Variants in CHRM2 observed in about 807,000 individuals in gnomAD.
CHRM2 encodes the protein muscarinic acetylcholine receptor M2.
A neutral mutation model predicts 25.0 loss-of-function variants in CHRM2; 8 were observed. The observed-to-expected ratio is 0.32, with a 90% CI of 0.19 to 0.58. The LOEUF (loss-of-function observed/expected upper bound fraction) is 0.58, where lower values mean the gene tolerates loss of function less well. Ranked by LOEUF, CHRM2 falls within the 20% of genes least tolerant of loss-of-function variation. The pLI is 0.88. For synonymous variants in CHRM2, 202 were observed against 205.7 expected (o/e 0.98, Z 0.15); for missense variants, 440 against 567.1 (o/e 0.78, Z 2.28).
chr7:136,947,176 AAC>A (rs1476407760), intron 2 of CHRM2, among the ~76,000 whole-genome samples: 11 of 152,184 alleles, frequency 7.2e-5, no homozygotes, highest in Non-Finnish European at 1.0e-4. Flanking sequence ...AATAGTTTGG[AAC>A]ACTGTGAAAG....
At chr7:136,958,471 T>C (rs1295580116) in intron 2 of CHRM2, among the ~76,000 whole-genome samples, 8 of 110,350 alleles carry the variant, frequency 7.2e-5, no homozygotes, top group Non-Finnish European at 1.4e-4. Context: ...TTTTTTTTTT[T>C]CTGAGACAGC....
chr7:136,981,261 T>A (rs1802467674), intron 2 of CHRM2, among the ~76,000 whole-genome samples: 1 of 152,256 alleles, frequency 6.6e-6, no homozygotes, highest in African/African-American at 2.4e-5. Flanking sequence ...TGATGGTAGT[T>A]TGTATTGCAG....
chr7:136,989,348 C>T (rs558866801), intron 2 of CHRM2, among the ~76,000 whole-genome samples: 4 of 152,182 alleles, frequency 2.6e-5, no homozygotes, highest in Non-Finnish European at 4.4e-5. Context: ...GTAACTAACT[C>T]AAAGTCACAC....
At chr7:136,907,465 C>T (rs748415356) in intron 2 of CHRM2, among the ~76,000 whole-genome samples, 46 of 151,886 alleles carry the variant, frequency 3.0e-4, no homozygotes, top group Admixed American at 1.6e-3. Context: ...AAGCTCTTCA[C>T]TTTCTCACTC....
intron 2 of CHRM2, among the ~76,000 whole-genome samples, chr7:136,941,822 G>A (rs188349945): frequency 2.6e-4 from 39 of 152,256 alleles, no homozygotes; most frequent in Non-Finnish European, 2.9e-5. Flanking sequence ...CTGTTTAATT[G>A]CCAGGATATC....
intron 3 of CHRM2, among the ~76,000 whole-genome samples, chr7:137,009,548 C>A (rs959392747): frequency 6.6e-6 from 1 of 152,024 alleles, no homozygotes; most frequent in Non-Finnish European, 1.5e-5. Context: ...AAGGTCCCAA[C>A]TCAATGTTGG....
At chr7:136,923,261 CT>C (rs5887816) in intron 2 of CHRM2, among the ~76,000 whole-genome samples, 62,139 of 139,246 alleles carry the variant, frequency 0.45, 14,279 homozygotes, top group African/African-American at 0.52. Flanking sequence ...TACTTATTAG[CT>C]TTTTTTTTTT....
At chr7:136,930,842 A>G (rs1300092064) in intron 2 of CHRM2, among the ~76,000 whole-genome samples, 1 of 138,454 alleles carries the variant, frequency 7.2e-6, no homozygotes, top group Non-Finnish European at 1.5e-5. Flanking sequence ...GTTTGCAGTG[A>G]GCCGAGACTG....
chr7:136,938,526 G>T (rs1799554914), intron 2 of CHRM2: 1 of 961,612 alleles, frequency 1.0e-6, no homozygotes, highest in Non-Finnish European at 1.7e-6. Context: ...GGCTCTGGTT[G>T]ATTGACCGTG....
chr7:136,891,703 A>G (rs76157190), intron 2 of CHRM2, among the ~76,000 whole-genome samples: 3,539 of 152,302 alleles, frequency 0.023, 71 homozygotes, highest in Middle Eastern at 0.051. Context: ...TTTCTTGGAC[A>G]TAACATGCCC....
chr7:137,003,803 T>C (rs1804232296), intron 3 of CHRM2, among the ~76,000 whole-genome samples: 2 of 152,138 alleles, frequency 1.3e-5, no homozygotes, highest in South Asian at 4.1e-4. Context: ...CCACATGTTG[T>C]GGGAGGAACC....
At chr7:136,980,870 C>T (rs572310086) in intron 2 of CHRM2, among the ~76,000 whole-genome samples, 223 of 152,240 alleles carry the variant, frequency 1.5e-3, no homozygotes, top group Non-Finnish European at 2.3e-3. Flanking sequence ...ATTTTCGCAT[C>T]GATGTTCATC....
At chr7:136,948,283 C>T (rs763134657) in intron 2 of CHRM2, among the ~76,000 whole-genome samples, 5 of 151,496 alleles carry the variant, frequency 3.3e-5, no homozygotes, top group East Asian at 1.9e-4. Context: ...GGTCTTTCTA[C>T]GGTGGTTGAG....
chr7:137,006,950 AG>A (rs1213886225), intron 3 of CHRM2, among the ~76,000 whole-genome samples: 1 of 152,126 alleles, frequency 6.6e-6, no homozygotes. Flanking sequence ...ACAGGTTGTC[AG>A]GCTCAATGTA....
intron 2 of CHRM2, among the ~76,000 whole-genome samples, chr7:136,889,805 C>T (rs1014735507): frequency 2.6e-5 from 4 of 152,160 alleles, no homozygotes; most frequent in East Asian, 1.9e-4. Flanking sequence ...CGGACTGTTG[C>T]GGGAATGTTG....
intron 2 of CHRM2, among the ~76,000 whole-genome samples, chr7:136,975,270 G>A (rs1462727439): frequency 6.6e-6 from 1 of 152,070 alleles, no homozygotes; most frequent in East Asian, 1.9e-4. Flanking sequence ...TTGTGTTCTG[G>A]AGTCAACTGA....
chr7:136,878,901 C>T (rs1300018067), intron 2 of CHRM2, among the ~76,000 whole-genome samples: 6 of 151,662 alleles, frequency 4.0e-5, no homozygotes, highest in Non-Finnish European at 7.4e-5. Context: ...TATTATTTGG[C>T]ATCTAATTCT....
chr7:136,876,294 G>A (rs1461482423), intron 2 of CHRM2, among the ~76,000 whole-genome samples: 1 of 152,102 alleles, frequency 6.6e-6, no homozygotes. Context: ...TCTGGTGCTG[G>A]TAGTAGAGTA....
intron 2 of CHRM2, among the ~76,000 whole-genome samples, chr7:136,969,402 TA>T (rs1450893197): frequency 6.6e-6 from 1 of 152,192 alleles, no homozygotes; most frequent in East Asian, 1.9e-4. Context: ...TTTGACCCAC[TA>T]CTTTGCCTTG....
Sources: allele counts gnomAD v4.1 joint callset (sites outside exome capture counted in the v4.1 genomes callset), GRCh38; gene constraint gnomAD v4.1.1; transcripts MANE v1.5; gene names NCBI Gene and HGNC (gene_info 2026-07-23, HGNC 2026-07-21).